The following SEC16B variants were observed in gnomAD, a reference collection of about 807,000 sequenced individuals.
SEC16B encodes the protein SEC16 homolog B, endoplasmic reticulum export factor, also known as protein transport protein Sec16B.
In SEC16B, 115 loss-of-function variants were observed where a neutral mutation model predicts 141.8. That is an observed-to-expected ratio of 0.81 (90% CI 0.70 to 0.95). The LOEUF is 0.95. Ranked by LOEUF, SEC16B falls within the 40% of genes least tolerant of loss-of-function variation. The pLI, the probability that SEC16B is intolerant of heterozygous loss-of-function variation, is 0.00. For missense variants in SEC16B, 1,291 were observed against 1,312.3 expected (o/e 0.98, Z 0.25); for synonymous variants, 493 against 492.5 (o/e 1.00, Z -0.01).
intron 18 of SEC16B, among the ~76,000 whole-genome samples, chr1:177,937,756 T>G (rs557756422): frequency 6.6e-6 from 1 of 152,174 alleles, no homozygotes; most frequent in Non-Finnish European, 1.5e-5. Flanking sequence ...AATAAAATCC[T>G]AAGCTCCTCC....
intron 15 of SEC16B, 121 bp from the exon 16 acceptor site, chr1:177,942,161 C>G: frequency 1.8e-6 from 2 of 1,105,390 alleles, no homozygotes; most frequent in Non-Finnish European, 2.5e-6. Context: ...ATCCAAATAC[C>G]AAGAGGCTTG....
intron 1 of SEC16B, among the ~76,000 whole-genome samples, chr1:177,969,100 T>A (rs1653775518): frequency 6.6e-6 from 1 of 152,192 alleles, no homozygotes; most frequent in Non-Finnish European, 1.5e-5. Context: ...CGGCCTCGAT[T>A]TTTTTCTTCC....
intron 2 of SEC16B, among the ~76,000 whole-genome samples, chr1:177,966,554 T>C (rs904373573): frequency 1.3e-5 from 2 of 148,864 alleles, no homozygotes; most frequent in African/African-American, 5.0e-5. Context: ...ATAATATTAA[T>C]GTTTTTATCA....
In SEC16B at chr1:177,949,383, A is replaced by AACACACAC. The variant is rs61635250; in HGVS notation, c.1546-1449_1546-1442dup. Among the ~76,000 whole-genome samples the AACACACAC allele has an allele frequency of 4.3e-3, 589 of 136,816 alleles. 1 individual carries two copies. The highest frequency in any genetic ancestry group is 9.9e-3 in the African/African-American group (345 of 34,890). 89.8% of individuals were successfully genotyped at this position (136,816 alleles called of 152,430 possible). A position where few individuals can be genotyped will look rare whatever the true frequency, so the allele number is the denominator to read the frequency against. On this transcript the variant is annotated intron_variant, in intron 12 of 25. Transcript: ENST00000308284. ...CAAAAGGGAAGGAAATCCCTTGCTA[A>AACACACAC]ACACACACACACACACACACACACA...
At chr1:177,953,646 A>G (rs561123829) in intron 11 of SEC16B, among the ~76,000 whole-genome samples, 3 of 152,062 alleles carry the variant, frequency 2.0e-5, no homozygotes, top group South Asian at 4.2e-4. Flanking sequence ...CTGGCTATGG[A>G]TCCTTGCTTC....
At chr1:177,932,863 G>A (rs1650549233) in intron 22 of SEC16B, 57 bp from the exon 23 acceptor site, 9 of 1,491,550 alleles carry the variant, frequency 6.0e-6, no homozygotes, top group Non-Finnish European at 8.2e-6. Context: ...ACAAATTGAT[G>A]CCCGCCAATT....
At chr1:177,961,223 C>G in intron 6 of SEC16B, 1 of 454,192 alleles carries the variant, frequency 2.2e-6, no homozygotes, top group Non-Finnish European at 3.9e-6. Flanking sequence ...GAGTCTCTGG[C>G]TTTCATGGCC....
At chr1:177,978,560 T>C (rs1571363525) in intron 1 of SEC16B, among the ~76,000 whole-genome samples, 1 of 151,812 alleles carries the variant, frequency 6.6e-6, no homozygotes, top group Non-Finnish European at 1.5e-5. Context: ...AAAAATTAAT[T>C]GGGCATGGTG....
chr1:177,958,706 A>G (rs752640491), intron 9 of SEC16B, 134 bp downstream of exon 9: 1 of 1,159,776 alleles, frequency 8.6e-7, no homozygotes, highest in Non-Finnish European at 1.2e-6. Flanking sequence ...ACATTTGAGC[A>G]ATTTTTTCCC....
intron 17 of SEC16B, 129 bp from the exon 18 acceptor site, chr1:177,939,906 G>A (rs1246224750): frequency 1.3e-6 from 1 of 751,230 alleles, no homozygotes; most frequent in East Asian, 2.7e-5. Context: ...GGAAATGCTT[G>A]TATGCTTAGG....
chr1:177,953,775 C>T (rs562984218), intron 11 of SEC16B, among the ~76,000 whole-genome samples: 2 of 152,232 alleles, frequency 1.3e-5, no homozygotes, highest in Non-Finnish European at 2.9e-5. Context: ...CTCCCACTGC[C>T]GCCAATGCAG....
chr1:177,952,520 C>G (rs988707137), intron 11 of SEC16B, among the ~76,000 whole-genome samples: 2 of 152,110 alleles, frequency 1.3e-5, no homozygotes, highest in African/African-American at 4.8e-5. Context: ...ACCAAAGAGG[C>G]GTGGAACAGG....
At chr1:177,952,886 T>A (rs1652312638) in intron 11 of SEC16B, among the ~76,000 whole-genome samples, 1 of 152,014 alleles carries the variant, frequency 6.6e-6, no homozygotes, top group South Asian at 2.1e-4. Flanking sequence ...GTGTCACCAG[T>A]CTCCAGGAAG....
rs139049391 is a variant in SEC16B at position 177,967,930 on chromosome 1, C to T, written c.52G>A (p.Ala18Thr). ...RLPQTRGKAT[A>T]PSKDPDRGFR... ...CCTCGGTCTGGATCCTTTGAGGGTG[C>T]TGTGGCCTTCCCTCGTGTCTGGGGC... The change falls in exon 2 of 26, where the codon GCA (alanine) becomes ACA (threonine). Residue 18 changes from alanine (A) to threonine (T), a missense_variant. Ala to Thr is a moderately conservative substitution (Grantham distance 58). Transcript: ENST00000308284. 1.1e-3 allele frequency: 1,771 copies of T among 1,613,692 alleles called. 8 individuals carry two copies. The African/African-American group carries it at 0.012, about 11-fold the overall frequency.
In SEC16B at chr1:177,937,230, C is replaced by T. The variant is rs755791697; in HGVS notation, c.2487G>A (p.Gln829=). The T allele has an allele frequency of 4.3e-6, 7 of 1,612,766 alleles. No homozygotes were observed. The South Asian group carries it at 7.7e-5, about 18-fold the overall frequency. Residue 829 remains glutamine, a synonymous_variant, in exon 19 of 26, where the codon CAG becomes CAA. Transcript: ENST00000308284. The part of the protein sequence containing the change: ...TGGTVWEEML[Q]THLGPGENTV... Reference sequence around the variant, plus strand: ...AGGTCTTACCAGGGCCCAGGTGTGTCTGCAGCATTTCCTCCCAGACTGTTC... The same window carrying T: ...AGGTCTTACCAGGGCCCAGGTGTGTTTGCAGCATTTCCTCCCAGACTGTTC...
intron 6 of SEC16B, 119 bp from the exon 7 acceptor site, chr1:177,961,058 C>G (rs1409424924): frequency 1.8e-6 from 2 of 1,138,364 alleles, no homozygotes; most frequent in Non-Finnish European, 2.5e-6. Context: ...AAATAAGATT[C>G]TGGGTGGGTT....
At chr1:177,962,954 A>G (rs574814030) in intron 5 of SEC16B, among the ~76,000 whole-genome samples, 40 of 151,562 alleles carry the variant, frequency 2.6e-4, no homozygotes, top group South Asian at 8.4e-4. Flanking sequence ...TAAAAAATAC[A>G]AAAATTAGCT....
At chr1:177,969,326 G>A (rs769077773) in intron 1 of SEC16B, among the ~76,000 whole-genome samples, 1 of 152,138 alleles carries the variant, frequency 6.6e-6, no homozygotes, top group Non-Finnish European at 1.5e-5. Context: ...GAAGAACAAG[G>A]TGCGGAGGGG....
intron 11 of SEC16B, among the ~76,000 whole-genome samples, chr1:177,953,492 C>T (rs1300400673): frequency 1.3e-5 from 2 of 152,186 alleles, no homozygotes; most frequent in African/African-American, 4.8e-5. Flanking sequence ...ACCCCCACCA[C>T]ATTTGTCCCT....
Sources: allele counts gnomAD v4.1 joint callset (sites outside exome capture counted in the v4.1 genomes callset), GRCh38; gene constraint gnomAD v4.1.1; transcripts MANE v1.5; gene names NCBI Gene and HGNC (gene_info 2026-07-23, HGNC 2026-07-21).